The following SLFN12L variants were observed in gnomAD, a reference collection of about 807,000 sequenced individuals.
SLFN12L encodes schlafen family member 12-like.
Under a neutral mutation model 34.8 loss-of-function variants are expected in SLFN12L, and 34 were observed. The ratio of observed to expected loss-of-function variants is 0.98; its 90% CI spans 0.74 to 1.30. The LOEUF (loss-of-function observed/expected upper bound fraction) is 1.30, where lower values mean the gene tolerates loss of function less well. Ranked by LOEUF, SLFN12L falls within the 50% of genes most tolerant of loss-of-function variation. SLFN12L has a pLI of 0.00. For synonymous variants in SLFN12L, 259 were observed against 247.5 expected (o/e 1.05, Z -0.44); for missense variants, 703 against 696.2 (o/e 1.01, Z -0.11).
chr17:35,513,572 A>G (rs1915723578), intron 2 of SLFN12L, among the ~76,000 whole-genome samples: 1 of 152,224 alleles, frequency 6.6e-6, no homozygotes, highest in Non-Finnish European at 1.5e-5. Flanking sequence ...AGATGCCACC[A>G]AGTATCCTTA....
chr17:35,499,137 A>T lies in SLFN12L; in HGVS notation c.87-18942T>A, dbSNP rs1448153169. 4 of 861,504 alleles carry T rather than the reference A, an allele frequency of 4.6e-6. No individual in the cohort carries two copies. In the South Asian group the frequency reaches 5.2e-5, roughly 11 times the overall value. The allele number at this position is 861,504 out of a possible 1,614,324, so 53.4% of individuals were successfully genotyped here. ...AAAATCAGAGTCCTGTCAAGTAGAC[A>T]TGTCCCGCATCCATTTGGCTTGTGA... On this transcript the variant is annotated intron_variant, in intron 2 of 4. Transcript: ENST00000628453.
chr17:35,482,054 G>A (rs370437957), intron 2 of SLFN12L, among the ~76,000 whole-genome samples: 78 of 152,192 alleles, frequency 5.1e-4, no homozygotes, highest in African/African-American at 1.6e-3. Flanking sequence ...TAGAGACAGC[G>A]TTTCACCATG....
rs149875239 is a variant in SLFN12L, at chr17:35,535,908, G to A, written c.-606+1665C>T. ...TGACCTCAAATGATCCACCTTCCTCGGCCTCCCAAAGTGCTGGGATTACAG... is the reference window on the plus strand; with the variant it reads ...TGACCTCAAATGATCCACCTTCCTCAGCCTCCCAAAGTGCTGGGATTACAG... On this transcript the variant is annotated intron_variant, in intron 1 of 4. Transcript: ENST00000628453. Among the ~76,000 whole-genome samples the A allele has an allele frequency of 8.0e-4, 121 of 151,900 alleles. 1 individual carries two copies. The highest frequency in any genetic ancestry group is 7.1e-3 in the South Asian group (34 of 4,794).
intron 1 of SLFN12L, among the ~76,000 whole-genome samples, chr17:35,530,440 GGAAGAAAGAAAGAAAGAAAGAAA>G (rs2072391082): frequency 5.3e-4 from 5 of 9,350 alleles, no homozygotes; most frequent in Middle Eastern, 0.038. Flanking sequence ...GGAAGGGAAG[GGAAGAAAGAAAGAAAGAAAGAAA>G]GAAAGAAAGA....
intron 2 of SLFN12L, among the ~76,000 whole-genome samples, chr17:35,495,930 CACACACACACACACACAA>C (rs1338490928): frequency 6.6e-6 from 1 of 151,430 alleles, no homozygotes; most frequent in African/African-American, 2.4e-5. Context: ...CACACACACA[CACACACACACACACACAA>C]CAAAACGCCA....
At chr17:35,497,444 A>C (rs1915130620) in intron 2 of SLFN12L, among the ~76,000 whole-genome samples, 1 of 152,062 alleles carries the variant, frequency 6.6e-6, no homozygotes, top group African/African-American at 2.4e-5. Flanking sequence ...TTTTTTAAAA[A>C]AGCAAAAAAC....
At position 35,503,884 on chromosome 17, in the gene SLFN12L, TA is replaced by T. The variant is rs541546520; in HGVS notation, c.86+18394del. 1.1e-3 allele frequency among the ~76,000 whole-genome samples: 164 copies of T among 152,052 alleles called. 1 individual carries two copies. Among genetic ancestry groups the T allele is most frequent in the African/African-American group, 3.7e-3 (155 of 41,466 alleles). On this transcript the variant is annotated intron_variant, in intron 2 of 4. Transcript: ENST00000628453. The stretch of plus-strand genomic sequence containing the variant: ...TGCTATCCACCGAGACTGCTGTTCA[TA>T]CAGCAGAAAAGGAATGGACTCATCA...
intron 2 of SLFN12L, among the ~76,000 whole-genome samples, chr17:35,493,339 A>G (rs1439000450): frequency 6.6e-6 from 1 of 152,084 alleles, no homozygotes; most frequent in African/African-American, 2.4e-5. Context: ...GCTTTCCCCT[A>G]TTTCCCAAAT....
chr17:35,516,038 A>T (rs779621139), intron 2 of SLFN12L, among the ~76,000 whole-genome samples: 26 of 152,068 alleles, frequency 1.7e-4, no homozygotes, highest in Non-Finnish European at 3.2e-4. Flanking sequence ...CCTCTACTAG[A>T]TTTATATAAA....
intron 2 of SLFN12L, among the ~76,000 whole-genome samples, chr17:35,517,339 T>C (rs1347979091): frequency 6.6e-6 from 1 of 152,084 alleles, no homozygotes; most frequent in Non-Finnish European, 1.5e-5. Flanking sequence ...GAATACAACT[T>C]ACAAGGGACG....
rs533187259 is a variant in SLFN12L at position 35,479,653 on chromosome 17, C to G, written c.629G>C (p.Cys210Ser). The part of the protein sequence containing the change: ...LRPEFPAKRA[C>S]VDVQEESNME... ...GTTACTTTCTTCTTGTACATCAACACAGGCCCTTTTTGCAGGGAATTCTGG... is the reference window on the plus strand; with the variant it reads ...GTTACTTTCTTCTTGTACATCAACAGAGGCCCTTTTTGCAGGGAATTCTGG... The change falls in exon 3 of 5, where the codon TGT becomes TCT. Residue 210 changes from cysteine to serine, a missense_variant. Transcript: ENST00000628453. 1 of 1,611,320 alleles carries G rather than the reference C, an allele frequency of 6.2e-7. No individual in the cohort carries two copies. Among genetic ancestry groups the G allele is most frequent in the Non-Finnish European group, 8.5e-7 (1 of 1,178,428 alleles).
intron 2 of SLFN12L, chr17:35,490,699 C>T: frequency 8.0e-7 from 1 of 1,253,990 alleles, no homozygotes; most frequent in Non-Finnish European, 1.2e-6. Flanking sequence ...TTCAGATCGT[C>T]AAAGGTTAGC....
rs188441594 is a variant in SLFN12L at position 35,533,827 on chromosome 17, T to A, written c.-606+3746A>T. Among the ~76,000 whole-genome samples, 664 of 152,258 alleles carry A rather than the reference T, an allele frequency of 4.4e-3. 2 individuals are homozygous for A. The highest frequency in any genetic ancestry group is 0.015 in the African/African-American group (628 of 41,552). On this transcript the variant is annotated intron_variant, in intron 1 of 4. Coordinates refer to ENST00000628453, the MANE Select transcript of SLFN12L (RefSeq NM_001363830.2). Reference sequence around the variant, plus strand: ...CAGACACCATAGCTCACGCCTGTAATCCCAGCACTTTGGGAGGCCGAGGCG... The same window carrying A: ...CAGACACCATAGCTCACGCCTGTAAACCCAGCACTTTGGGAGGCCGAGGCG...
intron 1 of SLFN12L, among the ~76,000 whole-genome samples, chr17:35,537,315 T>TGAGTCCTACATCCCTGGCCTC (rs1421574401): frequency 6.6e-6 from 1 of 152,216 alleles, no homozygotes; most frequent in Non-Finnish European, 1.5e-5. Flanking sequence ...CCTCTGGGCT[T>TGAGTCCTACATCCCTGGCCTC]GAGTCCTACA....
intron 1 of SLFN12L, among the ~76,000 whole-genome samples, chr17:35,530,290 T>C (rs2072379096): frequency 6.9e-6 from 1 of 145,006 alleles, no homozygotes; most frequent in African/African-American, 2.6e-5. Flanking sequence ...GAGGTTGCAG[T>C]GAGCCAAGAT....
Position 35,467,613 on chromosome 17 carries a change from A to G in SLFN12L, c.*7310T>C, listed in dbSNP as rs1913736104. 6.6e-6 allele frequency among the ~76,000 whole-genome samples: 1 copy of G among 152,214 alleles called. No individual in the cohort carries two copies. The highest frequency in any genetic ancestry group is 2.4e-5 in the African/African-American group (1 of 41,456). On this transcript the variant is annotated 3_prime_UTR_variant, in exon 5 of 5. Transcript: ENST00000628453. ...CAACTTCTTTTAAAGTTCCAGTCCAACAAATGGACCTCTCAATGGGTCTTT... is the reference window on the plus strand; with the variant it reads ...CAACTTCTTTTAAAGTTCCAGTCCAGCAAATGGACCTCTCAATGGGTCTTT...
intron 2 of SLFN12L, among the ~76,000 whole-genome samples, chr17:35,503,863 A>G (rs1036985033): frequency 6.6e-6 from 1 of 151,696 alleles, no homozygotes; most frequent in African/African-American, 2.4e-5. Context: ...TTGTGCTGCT[A>G]TCCACCGAGA....
intron 1 of SLFN12L, among the ~76,000 whole-genome samples, chr17:35,523,445 G>A (rs1261294182): frequency 2.6e-5 from 4 of 152,148 alleles, no homozygotes; most frequent in South Asian, 4.1e-4. Flanking sequence ...AGGAAGTTAC[G>A]TAAAAGCTTT....
chr17:35,512,255 C>CA (rs1915671233), intron 2 of SLFN12L, among the ~76,000 whole-genome samples: 1 of 130,134 alleles, frequency 7.7e-6, no homozygotes, highest in Non-Finnish European at 1.6e-5. Context: ...CCCGGGTTCA[C>CA]ACCATTCTCC....
Sources: allele counts gnomAD v4.1 joint callset (sites outside exome capture counted in the v4.1 genomes callset), GRCh38; gene constraint gnomAD v4.1.1; transcripts MANE v1.5; gene names NCBI Gene and HGNC (gene_info 2026-07-23, HGNC 2026-07-21).